The following NTM variants were observed in gnomAD, a reference collection of about 807,000 sequenced individuals.
NTM encodes IgLON family member 2.
Under a neutral mutation model 42.1 loss-of-function variants are expected in NTM, and 13 were observed. That is an observed-to-expected ratio of 0.31 (90% CI 0.20 to 0.49). The LOEUF is 0.49. NTM is among the 20% of genes least tolerant of loss of function. The pLI, the probability that NTM is intolerant of heterozygous loss-of-function variation, is 0.99. For synonymous variants in NTM, 187 were observed against 179.2 expected (o/e 1.04, Z -0.35); for missense variants, 373 against 452.8 (o/e 0.82, Z 1.60).
intron 1 of NTM, among the ~76,000 whole-genome samples, chr11:131,737,686 C>A (rs918824728): frequency 1.3e-4 from 20 of 152,096 alleles, no homozygotes; most frequent in African/African-American, 4.6e-4. Flanking sequence ...TGTGCCTCTG[C>A]CTTCTCGCCT....
Position 131,906,621 on chromosome 11 carries a change from G to A in NTM, c.83-4943G>A, listed in dbSNP as rs974629927. ...CCTTTGGGCACCTGCCTTTCGCTGCGTCGGCACTTTGATTTTGGCTTGTTC... is the reference window on the plus strand; with the variant it reads ...CCTTTGGGCACCTGCCTTTCGCTGCATCGGCACTTTGATTTTGGCTTGTTC... On this transcript the variant is annotated intron_variant, in intron 1 of 8. Coordinates refer to ENST00000683400, the MANE Select transcript of NTM (RefSeq NM_001352005.2). 5.3e-5 allele frequency among the ~76,000 whole-genome samples: 8 copies of A among 152,088 alleles called. No homozygotes were observed. In the East Asian group the frequency reaches 5.8e-4, roughly 11 times the overall value.
intron 2 of NTM, among the ~76,000 whole-genome samples, chr11:132,044,507 C>T (rs1159173397): frequency 1.3e-5 from 2 of 152,078 alleles, no homozygotes; most frequent in Admixed American, 1.3e-4. Context: ...TTTCCTCATC[C>T]AGTAGCACCT....
chr11:131,479,015 C>T (rs935481570), intron 1 of NTM, among the ~76,000 whole-genome samples: 1 of 152,190 alleles, frequency 6.6e-6, no homozygotes, highest in South Asian at 2.1e-4. Flanking sequence ...ATTCCTAGTG[C>T]CCCGCACGCC....
At chr11:132,081,651 G>A (rs2059068723) in intron 2 of NTM, among the ~76,000 whole-genome samples, 1 of 151,438 alleles carries the variant, frequency 6.6e-6, no homozygotes, top group Non-Finnish European at 1.5e-5. Flanking sequence ...AGAATGGCGT[G>A]AACCCGGGAG....
At chr11:132,257,352 G>A (rs1566595099) in intron 4 of NTM, among the ~76,000 whole-genome samples, 2 of 152,238 alleles carry the variant, frequency 1.3e-5, no homozygotes, top group Non-Finnish European at 2.9e-5. Flanking sequence ...ACTTCTGGGT[G>A]TAGAAAGGAA....
chr11:131,812,202 CTCTCTCTCTCTCTCTCTCTT>C (rs2092762483), intron 1 of NTM, among the ~76,000 whole-genome samples: 1 of 36,942 alleles, frequency 2.7e-5, no homozygotes, highest in African/African-American at 6.3e-5. Flanking sequence ...CTCTCTCTCT[CTCTCTCTCTCTCTCTCTCTT>C]CCCCTTCCTC....
chr11:132,261,250 G>A (rs2092832626), intron 4 of NTM, among the ~76,000 whole-genome samples: 1 of 152,136 alleles, frequency 6.6e-6, no homozygotes, highest in Admixed American at 6.5e-5. Flanking sequence ...GCTCTCAAGG[G>A]CCTTAACATG....
chr11:132,259,986 A>T (rs1447602789), intron 4 of NTM, among the ~76,000 whole-genome samples: 1 of 152,070 alleles, frequency 6.6e-6, no homozygotes, highest in Non-Finnish European at 1.5e-5. Context: ...TGCAACTAGG[A>T]CAGTTTTGAG....
chr11:132,069,468 G>C (rs1312107042), intron 2 of NTM, among the ~76,000 whole-genome samples: 1 of 76,574 alleles, frequency 1.3e-5, no homozygotes, highest in Admixed American at 1.4e-4. Context: ...CAAACTGACC[G>C]TCACAGGTTA....
At chr11:131,374,198 A>G (rs1941636360) in intron 1 of NTM, among the ~76,000 whole-genome samples, 1 of 152,236 alleles carries the variant, frequency 6.6e-6, no homozygotes, top group Non-Finnish European at 1.5e-5. Flanking sequence ...CCTGCCTGCC[A>G]GGCTTGGGGC....
intron 1 of NTM, among the ~76,000 whole-genome samples, chr11:131,640,485 T>A (rs2065001146): frequency 6.6e-6 from 1 of 152,180 alleles, no homozygotes; most frequent in South Asian, 2.1e-4. Context: ...GCCTGAACCA[T>A]GAGATTGACC....
intron 8 of NTM, 70 bp downstream of exon 8, chr11:132,330,255 C>T: frequency 6.6e-7 from 1 of 1,511,878 alleles, no homozygotes; most frequent in Non-Finnish European, 9.0e-7. Flanking sequence ...ACCTTCCTCC[C>T]AGATGCCTTC....
At chr11:132,174,315 G>A (rs1427003516) in intron 3 of NTM, among the ~76,000 whole-genome samples, 2 of 152,154 alleles carry the variant, frequency 1.3e-5, no homozygotes, top group African/African-American at 2.4e-5. Flanking sequence ...ACTGCAAAGA[G>A]TTATTGTAAG....
chr11:132,031,333 T>C (rs543856018), intron 2 of NTM, among the ~76,000 whole-genome samples: 2 of 152,300 alleles, frequency 1.3e-5, no homozygotes, highest in South Asian at 4.1e-4. Flanking sequence ...AAAGAGTAAC[T>C]CTGGGACCAT....
At chr11:131,915,735 A>G (rs902065476) in intron 2 of NTM, among the ~76,000 whole-genome samples, 3 of 152,188 alleles carry the variant, frequency 2.0e-5, no homozygotes, top group African/African-American at 7.2e-5. Context: ...CAAAAGGCAC[A>G]TTTTACACGG....
intron 3 of NTM, among the ~76,000 whole-genome samples, chr11:132,183,282 T>A (rs2077857769): frequency 6.6e-6 from 1 of 152,170 alleles, no homozygotes; most frequent in African/African-American, 2.4e-5. Context: ...TGTCCCAGAT[T>A]AGTTAACCAT....
Position 132,034,093 on chromosome 11 carries a change from C to T in NTM, c.168-112189C>T, listed in dbSNP as rs534565622. ...TATCAAAATACATGACTTTCTTAAACCTTACTAGGATTGTGCATTAATGCA... is the reference window on the plus strand; with the variant it reads ...TATCAAAATACATGACTTTCTTAAATCTTACTAGGATTGTGCATTAATGCA... On this transcript the variant is annotated intron_variant, in intron 2 of 8. Transcript: ENST00000683400. Among the ~76,000 whole-genome samples, 18 of 152,240 alleles carry T rather than the reference C, an allele frequency of 1.2e-4. 1 individual carries two copies. In the East Asian group the frequency reaches 2.9e-3, roughly 24 times the overall value.
intron 1 of NTM, among the ~76,000 whole-genome samples, chr11:131,788,565 CGTGTTTTCTCTCTATTGTTTG>C (rs1394100117): frequency 6.6e-6 from 1 of 152,126 alleles, no homozygotes; most frequent in Non-Finnish European, 1.5e-5. Flanking sequence ...CACAATCAGA[CGTGTTTTCTCTCTATTGTTTG>C]AAAACAATAT....
chr11:132,183,047 A>G (rs2077820366), intron 3 of NTM, among the ~76,000 whole-genome samples: 1 of 152,064 alleles, frequency 6.6e-6, no homozygotes, highest in South Asian at 2.1e-4. Context: ...CTATATTTGC[A>G]TCTCACACGG....
Sources: gnomAD v4.1 joint callset for allele counts (sites outside exome capture counted in the v4.1 genomes callset) on GRCh38, gnomAD v4.1.1 for gene constraint, MANE v1.5 for transcripts, NCBI Gene and HGNC (gene_info 2026-07-23, HGNC 2026-07-21) for gene names.